The following PRKG2 variants were observed in gnomAD, a reference collection of about 807,000 sequenced individuals.
PRKG2 encodes the protein cGMP-dependent protein kinase 2.
In PRKG2, 33 loss-of-function variants were observed where a neutral mutation model predicts 97.2. That is an observed-to-expected ratio of 0.34 (90% confidence interval 0.26 to 0.45). The LOEUF (loss-of-function observed/expected upper bound fraction) is 0.45. Among genes scored for constraint, PRKG2 ranks in the 20% least tolerant of loss-of-function variants. The pLI is 1.00. For synonymous variants in PRKG2, 330 were observed against 321.8 expected (o/e 1.03, Z -0.27); for missense variants, 638 against 900.0 (o/e 0.71, Z 3.73).
chr4:81,200,129 A>G (rs1753211422), intron 2 of PRKG2, among the ~76,000 whole-genome samples: 1 of 152,224 alleles, frequency 6.6e-6, no homozygotes, highest in Non-Finnish European at 1.5e-5. Context: ...TAAACAGAAA[A>G]GAAAAACTTA....
chr4:81,173,398 A>G (rs1750658702), intron 3 of PRKG2, among the ~76,000 whole-genome samples: 1 of 152,120 alleles, frequency 6.6e-6, no homozygotes, highest in Non-Finnish European at 1.5e-5. Context: ...GGAACGAGAT[A>G]GGCTTACATC....
Position 81,209,074 on chromosome 4 carries a change from T to A in PRKG2, c.-13-4014A>T, listed in dbSNP as rs183921832. Among the ~76,000 whole-genome samples the A allele has an allele frequency of 2.6e-5, 4 of 152,278 alleles. No homozygotes were observed. The East Asian group carries it at 7.7e-4, about 29-fold the overall frequency. ...TAGGAGACAGCAATCGAATGAGTAG[T>A]GGCATTTCGCTAGAAGAGAGGAAAC... On this transcript the variant is annotated intron_variant, in intron 1 of 18. Coordinates refer to ENST00000264399, the MANE Select transcript of PRKG2 (RefSeq NM_006259.3).
At chr4:81,162,083 G>A (rs1290748676) in intron 6 of PRKG2, among the ~76,000 whole-genome samples, 1 of 152,116 alleles carries the variant, frequency 6.6e-6, no homozygotes, top group Non-Finnish European at 1.5e-5. Flanking sequence ...TTGCTCAGCT[G>A]TTTCCTACAT....
intron 6 of PRKG2, among the ~76,000 whole-genome samples, chr4:81,166,342 TA>T (rs1749985884): frequency 6.6e-6 from 1 of 152,044 alleles, no homozygotes. Context: ...AACAGCTTTA[TA>T]AAAGCTTAAA....
intron 6 of PRKG2, among the ~76,000 whole-genome samples, chr4:81,155,992 C>A (rs915158668): frequency 5.9e-5 from 9 of 152,024 alleles, no homozygotes; most frequent in Non-Finnish European, 1.3e-4. Context: ...AATGTAAAGA[C>A]CATCGAGACT....
At chr4:81,180,167 T>C (rs1404479630) in intron 2 of PRKG2, among the ~76,000 whole-genome samples, 1 of 151,558 alleles carries the variant, frequency 6.6e-6, no homozygotes, top group Non-Finnish European at 1.5e-5. Flanking sequence ...AATAAATGAA[T>C]GAATGAAAGC....
intron 6 of PRKG2, among the ~76,000 whole-genome samples, chr4:81,160,048 A>G (rs909132754): frequency 1.3e-5 from 2 of 151,970 alleles, no homozygotes; most frequent in Admixed American, 1.3e-4. Flanking sequence ...AGCATGGCAC[A>G]TGTATACATA....
chr4:81,181,875 T>C (rs909708744), intron 2 of PRKG2, among the ~76,000 whole-genome samples: 1 of 151,726 alleles, frequency 6.6e-6, no homozygotes, highest in African/African-American at 2.4e-5. Context: ...GTATGGAAAA[T>C]TGTGATGAAA....
At chr4:81,144,082 T>C (rs1245469602) in intron 10 of PRKG2, 150 bp downstream of exon 10, 1 of 612,700 alleles carries the variant, frequency 1.6e-6, no homozygotes, top group Non-Finnish European at 2.8e-6. Flanking sequence ...GTGTTGTCTT[T>C]GTGGAAGAAC....
intron 14 of PRKG2, among the ~76,000 whole-genome samples, chr4:81,121,910 T>C (rs1578376134): frequency 6.6e-6 from 1 of 152,204 alleles, no homozygotes; most frequent in Admixed American, 6.5e-5. Context: ...GGCAATAATA[T>C]CAACGTTTAA....
At chr4:81,143,690 C>G (rs1464952624) in intron 10 of PRKG2, among the ~76,000 whole-genome samples, 1 of 152,092 alleles carries the variant, frequency 6.6e-6, no homozygotes, top group East Asian at 1.9e-4. Flanking sequence ...ATAGCACTAT[C>G]TAGTGAACAT....
intron 1 of PRKG2, among the ~76,000 whole-genome samples, chr4:81,206,799 G>A (rs976048296): frequency 6.6e-6 from 1 of 152,170 alleles, no homozygotes; most frequent in Non-Finnish European, 1.5e-5. Flanking sequence ...AGGCACAGAT[G>A]CAAAGATGTA....
Position 81,159,648 on chromosome 4 carries a change from A to T in PRKG2, c.913-5927T>A, listed in dbSNP as rs561664636. On this transcript the variant is annotated intron_variant, in intron 6 of 18. Transcript: ENST00000264399. ...GACTATAAATCATGCTGCTATAAAG[A>T]CACATGCACACGTATGTTTATTGTG... Among the ~76,000 whole-genome samples, 97 of 152,264 alleles carry T rather than the reference A, an allele frequency of 6.4e-4. 1 individual carries two copies. Among genetic ancestry groups the T allele is most frequent in the African/African-American group, 2.3e-3 (94 of 41,542 alleles).
In PRKG2 at chr4:81,092,465, AAAGGAAGGAAGGAAGGAAGG is replaced by A. The variant is rs59866145; in HGVS notation, c.2127-33_2127-14del. Reference sequence around the variant, plus strand: ...ACCATTTAACCACCTGAGAAATGAGAAAGGAAGGAAGGAAGGAAGGAAGGAAGGAAGGAAGGAAGGAAGGA... The same window carrying A: ...ACCATTTAACCACCTGAGAAATGAGAAAGGAAGGAAGGAAGGAAGGAAGGA... On this transcript the variant is annotated splice_polypyrimidine_tract_variant and intron_variant, in intron 17 of 18. Transcript: ENST00000264399. 33 of 926,492 alleles carry A rather than the reference AAAGGAAGGAAGGAAGGAAGG, an allele frequency of 3.6e-5. No homozygotes were observed. Among genetic ancestry groups the A allele is most frequent in the East Asian group, 1.6e-4 (6 of 36,392 alleles). 57.4% of individuals were successfully genotyped at this position (926,492 alleles called of 1,614,324 possible). A position where few individuals can be genotyped will look rare whatever the true frequency, so the allele number is the denominator to read the frequency against.
chr4:81,142,721 A>T, intron 11 of PRKG2, 73 bp downstream of exon 11: 1 of 1,413,868 alleles, frequency 7.1e-7, no homozygotes, highest in South Asian at 1.7e-5. Flanking sequence ...TATTCCTCCA[A>T]GATATGCTGG....
intron 6 of PRKG2, among the ~76,000 whole-genome samples, chr4:81,159,977 G>A (rs1392604393): frequency 2.6e-5 from 3 of 113,496 alleles, no homozygotes; most frequent in Non-Finnish European, 5.2e-5. Flanking sequence ...GGGGAGGGGG[G>A]AGGGAGAGCA....
chr4:81,212,175 G>A (rs1185243688), intron 1 of PRKG2, among the ~76,000 whole-genome samples: 2 of 152,016 alleles, frequency 1.3e-5, no homozygotes, highest in African/African-American at 2.4e-5. Flanking sequence ...TGTTTTCTCT[G>A]TCCACAGCAT....
At chr4:81,170,008 T>C (rs2110081635) in intron 4 of PRKG2, among the ~76,000 whole-genome samples, 1 of 152,220 alleles carries the variant, frequency 6.6e-6, no homozygotes, top group Admixed American at 6.6e-5. Context: ...TTTCTAATTA[T>C]GTTACAGTTA....
At chr4:81,103,618 A>G (rs1202521944) in intron 17 of PRKG2, among the ~76,000 whole-genome samples, 1 of 152,208 alleles carries the variant, frequency 6.6e-6, no homozygotes, top group African/African-American at 2.4e-5. Context: ...TACTGGCAAC[A>G]ACAATGTTAT....
Sources: gnomAD v4.1 joint callset for allele counts (sites outside exome capture counted in the v4.1 genomes callset) on GRCh38, gnomAD v4.1.1 for gene constraint, MANE v1.5 for transcripts, NCBI Gene and HGNC (gene_info 2026-07-23, HGNC 2026-07-21) for gene names.